ADD3: variants seen among roughly 807,000 people sequenced by gnomAD.
ADD3 encodes the protein gamma-adducin.
In ADD3, 25 loss-of-function variants were observed where a neutral mutation model predicts 80.2. That is an observed-to-expected ratio of 0.31 (90% CI 0.23 to 0.44). The LOEUF is 0.44. Ranked by LOEUF, ADD3 falls within the 20% of genes least tolerant of loss-of-function variation. The pLI is 1.00. For missense variants in ADD3, 829 were observed against 847.5 expected (o/e 0.98, Z 0.27); for synonymous variants, 284 against 289.6 (o/e 0.98, Z 0.20).
At chr10:110,048,692 G>A (rs1857162276) in intron 1 of ADD3, among the ~76,000 whole-genome samples, 1 of 152,218 alleles carries the variant, frequency 6.6e-6, no homozygotes, top group African/African-American at 2.4e-5. Context: ...GTATCTGGCA[G>A]AAGAAATTTC....
intron 1 of ADD3, among the ~76,000 whole-genome samples, chr10:110,052,372 C>G (rs1208565367): frequency 6.6e-6 from 1 of 152,178 alleles, no homozygotes; most frequent in African/African-American, 2.4e-5. Context: ...GGCTGTGTGG[C>G]AGGCAAGTGA....
At chr10:110,082,467 G>A (rs1846181912) in intron 1 of ADD3, among the ~76,000 whole-genome samples, 1 of 152,074 alleles carries the variant, frequency 6.6e-6, no homozygotes, top group South Asian at 2.1e-4. Flanking sequence ...TTGAGTTTTG[G>A]AAGCCATGAA....
intron 1 of ADD3, among the ~76,000 whole-genome samples, chr10:110,070,258 C>T (rs1290213647): frequency 6.6e-6 from 1 of 152,084 alleles, no homozygotes; most frequent in Admixed American, 6.5e-5. Flanking sequence ...TGCCCCAACC[C>T]ACTAAATTGC....
intron 1 of ADD3, among the ~76,000 whole-genome samples, chr10:109,997,234 T>C (rs1029549576): frequency 2.0e-5 from 3 of 152,184 alleles, no homozygotes; most frequent in African/African-American, 7.2e-5. Flanking sequence ...CTTTGTGTTA[T>C]TACTCAAGAT....
At chr10:110,083,648 T>C (rs1846348103) in intron 1 of ADD3, among the ~76,000 whole-genome samples, 1 of 152,218 alleles carries the variant, frequency 6.6e-6, no homozygotes, top group Non-Finnish European at 1.5e-5. Context: ...CCTATCGTTT[T>C]TTCAGGGCCT....
At chr10:110,065,539 C>CCTTTTTTT (rs1843806502) in intron 1 of ADD3, among the ~76,000 whole-genome samples, 1 of 31,186 alleles carries the variant, frequency 3.2e-5, no homozygotes, top group Non-Finnish European at 7.5e-5. Flanking sequence ...TCTCTCTCCC[C>CCTTTTTTT]TTTTTTTTTT....
At position 110,094,041 on chromosome 10, in the gene ADD3, T is replaced by TGTCCC. The variant is rs1361695175; in HGVS notation, c.-29-6584_-29-6583insGTCCC. On this transcript the variant is annotated intron_variant, in intron 1 of 14. Transcript: ENST00000356080. ...GTACTTAAAACTTGTCCCTTTGGTA[T>TGTCCC]TTAGGTCAAATAAACCACCATTATA... is the stretch of plus-strand genomic sequence containing the variant. Among the ~76,000 whole-genome samples the TGTCCC allele has an allele frequency of 2.6e-5, 4 of 152,312 alleles. No homozygotes were observed. The East Asian group carries it at 7.7e-4, about 29-fold the overall frequency.
intron 1 of ADD3, among the ~76,000 whole-genome samples, chr10:110,095,502 A>G (rs943939672): frequency 6.6e-6 from 1 of 152,184 alleles, no homozygotes; most frequent in African/African-American, 2.4e-5. Context: ...TTCACTTACA[A>G]TGTTTTCAAG....
chr10:110,048,119 C>T lies in ADD3; in HGVS notation c.-30+39820C>T, dbSNP rs116749686. Among the ~76,000 whole-genome samples the T allele has an allele frequency of 6.4e-3, 976 of 152,230 alleles. 9 individuals carry two copies. The highest frequency in any genetic ancestry group is 0.022 in the African/African-American group (918 of 41,504). On this transcript the variant is annotated intron_variant, in intron 1 of 14. Transcript: ENST00000356080. ...TTCTTGTGGTTGTCCTTAAGTCTCA[C>T]GAGATGTGATGATTTTATAAGGGGT... is the stretch of plus-strand genomic sequence containing the variant.
At chr10:110,127,421 A>C (rs1590243438) in intron 12 of ADD3, among the ~76,000 whole-genome samples, 1 of 152,330 alleles carries the variant, frequency 6.6e-6, no homozygotes, top group Non-Finnish European at 1.5e-5. Flanking sequence ...GATCAAGACC[A>C]TCCTGGCCAA....
chr10:110,023,981 T>G (rs1424979048), intron 1 of ADD3, among the ~76,000 whole-genome samples: 1 of 152,086 alleles, frequency 6.6e-6, no homozygotes, highest in Non-Finnish European at 1.5e-5. Flanking sequence ...CACGTGGACA[T>G]AAAGACAGAA....
At chr10:109,999,784 T>C (rs769759413) in intron 1 of ADD3, among the ~76,000 whole-genome samples, 1 of 152,220 alleles carries the variant, frequency 6.6e-6, no homozygotes, top group Non-Finnish European at 1.5e-5. Context: ...GACAGTTATT[T>C]ATTGAACATT....
intron 2 of ADD3, 126 bp downstream of exon 2, chr10:110,100,974 TC>T: frequency 1.3e-6 from 1 of 770,218 alleles, no homozygotes; most frequent in Non-Finnish European, 2.0e-6. Flanking sequence ...ACCAGTTGCT[TC>T]CAGTCTTTCA....
chr10:110,122,301 C>CA lies in ADD3; in HGVS notation c.1143+13dup. 6.2e-7 allele frequency: 1 copy of CA among 1,607,934 alleles called. No individual in the cohort carries two copies. Among genetic ancestry groups the CA allele is most frequent in the Non-Finnish European group, 8.5e-7 (1 of 1,177,328 alleles). ...GGACTCTGGACAACTTGGTAGGTTG[C>CA]AAAATTGAAGTAAAACTTGGATTTA... is the stretch of plus-strand genomic sequence containing the variant. On this transcript the variant is annotated intron_variant, in intron 9 of 14. Coordinates refer to ENST00000356080, the MANE Select transcript of ADD3 (RefSeq NM_016824.5).
chr10:110,125,532 CTG>C (rs1852041420), intron 10 of ADD3, among the ~76,000 whole-genome samples: 4 of 151,940 alleles, frequency 2.6e-5, no homozygotes, highest in African/African-American at 9.7e-5. Context: ...ATCATGCTCT[CTG>C]TGCTTGAAGT....
chr10:110,032,609 A>C (rs1443798454), intron 1 of ADD3, among the ~76,000 whole-genome samples: 1 of 152,248 alleles, frequency 6.6e-6, no homozygotes, highest in Non-Finnish European at 1.5e-5. Flanking sequence ...AGAGTATAGT[A>C]TGCTAGAAAG....
At chr10:110,062,255 A>G (rs1160157989) in intron 1 of ADD3, among the ~76,000 whole-genome samples, 1 of 140,470 alleles carries the variant, frequency 7.1e-6, no homozygotes, top group Non-Finnish European at 1.5e-5. Context: ...TTAGCTGGGC[A>G]TGGTGGCACA....
intron 1 of ADD3, among the ~76,000 whole-genome samples, chr10:110,080,138 G>C (rs1845903339): frequency 6.6e-6 from 1 of 152,126 alleles, no homozygotes; most frequent in African/African-American, 2.4e-5. Context: ...GGCATTCATG[G>C]GTCGGGGTGG....
intron 12 of ADD3, among the ~76,000 whole-genome samples, chr10:110,128,049 A>ATTTTTTTTTTTTTTTTT (rs71486096): frequency 9.4e-6 from 1 of 106,014 alleles, no homozygotes; most frequent in Non-Finnish European, 1.9e-5. Context: ...TTTGTTTAGG[A>ATTTTTTTTTTTTTTTTT]TTTTTTTTTT....
Sources: allele counts gnomAD v4.1 joint callset (sites outside exome capture counted in the v4.1 genomes callset), GRCh38; gene constraint gnomAD v4.1.1; transcripts MANE v1.5; gene names NCBI Gene and HGNC (gene_info 2026-07-23, HGNC 2026-07-21).